Variants in DAP3 observed in about 807,000 individuals in gnomAD.
The protein encoded by DAP3 is small ribosomal subunit protein mS29.
A neutral mutation model predicts 51.9 loss-of-function variants in DAP3; 28 were observed. That is an observed-to-expected ratio of 0.54 (90% CI 0.40 to 0.74). DAP3 has a LOEUF of 0.74. DAP3 is among the 30% of genes least tolerant of loss of function. The pLI, the probability that DAP3 is intolerant of heterozygous loss-of-function variation, is 0.00. For synonymous variants in DAP3, 170 were observed against 170.3 expected, an observed-to-expected ratio of 1.00 and a Z score of 0.01; for missense variants, 458 against 483.5, an observed-to-expected ratio of 0.95 and a Z score of 0.49.
intron 1 of DAP3, among the ~76,000 whole-genome samples, chr1:155,696,860 A>G (rs149216292): frequency 2.0e-5 from 3 of 152,332 alleles, no homozygotes; most frequent in Admixed American, 6.5e-5. Flanking sequence ...GTCTCTGCCA[A>G]AGGAATTGTA....
chr1:155,716,901 T>G, intron 2 of DAP3, 105 bp from the exon 3 acceptor site: 1 of 1,473,286 alleles, frequency 6.8e-7, no homozygotes, highest in East Asian at 2.3e-5. Context: ...GAGCCTGAGA[T>G]CACGCCATTG....
chr1:155,706,479 G>A (rs1172067299), intron 1 of DAP3, among the ~76,000 whole-genome samples: 2 of 152,172 alleles, frequency 1.3e-5, no homozygotes, highest in Non-Finnish European at 2.9e-5. Context: ...GATTTGGGTT[G>A]TGAAAGGTGT....
rs1416187695 is a variant in DAP3 at position 155,701,117 on chromosome 1, G to A, written c.-7-8656G>A. On this transcript the variant is annotated intron_variant, in intron 1 of 12. Coordinates refer to ENST00000368336, the MANE Select transcript of DAP3 (RefSeq NM_004632.4). ...CGGGAGGTGAGGGGCGCCTCTGCCCGGCCGCCCCTACTGGGAAGTGAGTAG... is the reference window on the plus strand; with the variant it reads ...CGGGAGGTGAGGGGCGCCTCTGCCCAGCCGCCCCTACTGGGAAGTGAGTAG... Among the ~76,000 whole-genome samples, 20 of 126,496 alleles carry A rather than the reference G, an allele frequency of 1.6e-4. No individual in the cohort carries two copies. The East Asian group carries it at 3.3e-3, about 21-fold the overall frequency. 83.0% of individuals were successfully genotyped at this position (126,496 alleles called of 152,430 possible).
intron 1 of DAP3, among the ~76,000 whole-genome samples, chr1:155,705,968 T>C (rs1655917288): frequency 2.0e-5 from 3 of 152,128 alleles, no homozygotes; most frequent in Admixed American, 1.3e-4. Context: ...CCCAAAATAC[T>C]AGGATCACAG....
intron 1 of DAP3, among the ~76,000 whole-genome samples, chr1:155,708,833 T>C (rs1656333275): frequency 1.3e-5 from 2 of 151,552 alleles, no homozygotes; most frequent in African/African-American, 4.9e-5. Flanking sequence ...GCCTCCCAAG[T>C]AGCTGGGACT....
At position 155,717,085 on chromosome 1, in the gene DAP3, T is replaced by A. The variant is rs755738906; in HGVS notation, c.125T>A (p.Val42Asp). Residue 42 changes from valine to aspartate, a missense_variant, in exon 3 of 13, where the codon GTT becomes GAT. Transcript: ENST00000368336. ...GCTCACCTAGATAACCAGGTTCCAG[T>A]TGAGAGTCCGAGAGCTATTTCCCGC... ...IAAHLDNQVP[V>D]ESPRAISRTN... is the part of the protein sequence containing the mutation. The A allele has an allele frequency of 1.9e-6, 3 of 1,614,102 alleles. No individual in the cohort carries two copies. The highest frequency in any genetic ancestry group is 2.2e-5 in the East Asian group (1 of 44,890).
chr1:155,722,835 A>G (rs187929830), intron 4 of DAP3, among the ~76,000 whole-genome samples: 2 of 152,276 alleles, frequency 1.3e-5, no homozygotes, highest in East Asian at 3.9e-4. Flanking sequence ...TTTGTTGAAG[A>G]AATCATCTGC....
At chr1:155,688,106 A>G (rs1558322076), upstream of DAP3, 13 of 1,609,358 alleles carry the variant, frequency 8.1e-6, no homozygotes, top group Non-Finnish European at 1.1e-5. Context: ...AGTACAGGGA[A>G]GTGAGGAAGA....
intron 10 of DAP3, chr1:155,731,634 A>C (rs1659252268): frequency 1.8e-6 from 1 of 552,210 alleles, no homozygotes; most frequent in Admixed American, 3.6e-5. Context: ...AGTTTATTCA[A>C]AACCATTTTA....
At chr1:155,696,877 C>T (rs556777467) in intron 1 of DAP3, among the ~76,000 whole-genome samples, 2 of 152,226 alleles carry the variant, frequency 1.3e-5, no homozygotes, top group South Asian at 2.1e-4. Flanking sequence ...TGTAAAGAAG[C>T]AGTCTTTTAA....
chr1:155,731,197 G>A (rs1659203559), intron 9 of DAP3, among the ~76,000 whole-genome samples, 159 bp from the exon 10 acceptor site: 2 of 151,868 alleles, frequency 1.3e-5, no homozygotes, highest in African/African-American at 4.8e-5. Context: ...AACCCAGGAG[G>A]TGGAGGTTGC....
At position 155,703,893 on chromosome 1, in the gene DAP3, A is replaced by G. The variant is rs577026608; in HGVS notation, c.-7-5880A>G. Among the ~76,000 whole-genome samples, 7 of 152,276 alleles carry G rather than the reference A, an allele frequency of 4.6e-5. No homozygotes were observed. The South Asian group carries it at 1.5e-3, about 32-fold the overall frequency. ...CCAGGCATAGTGGCTCGCGCCTGCAATCTCAGCACTTTGCGAGGCTAGGGC... is the reference window on the plus strand; with the variant it reads ...CCAGGCATAGTGGCTCGCGCCTGCAGTCTCAGCACTTTGCGAGGCTAGGGC... On this transcript the variant is annotated intron_variant, in intron 1 of 12. Coordinates refer to ENST00000368336, the MANE Select transcript of DAP3 (RefSeq NM_004632.4).
chr1:155,707,261 A>T lies in DAP3; in HGVS notation c.-7-2512A>T, dbSNP rs567952619. On this transcript the variant is annotated intron_variant, in intron 1 of 12. Transcript: ENST00000368336. ...ACCCCGTCATTACTAAAAATACAAA[A>T]AATTAGCGGGGCGTGGTGGTGGGCG... is the stretch of plus-strand genomic sequence containing the variant. 2.0e-5 allele frequency among the ~76,000 whole-genome samples: 3 copies of T among 151,794 alleles called. No homozygotes were observed. The East Asian group carries it at 5.8e-4, about 29-fold the overall frequency.
intron 3 of DAP3, among the ~76,000 whole-genome samples, chr1:155,717,772 T>G (rs540401509): frequency 3.3e-5 from 5 of 152,300 alleles, no homozygotes; most frequent in African/African-American, 1.2e-4. Context: ...TCCTAGGGTC[T>G]GGAGAGGGAA....
chr1:155,688,334 C>G, upstream of DAP3: 1 of 1,550,888 alleles, frequency 6.4e-7, no homozygotes, highest in Non-Finnish European at 8.7e-7. Flanking sequence ...GCGGCAGCGG[C>G]GGCAGCAGAG....
chr1:155,721,472 G>A (rs758298846), intron 3 of DAP3, 45 bp from the exon 4 acceptor site: 14 of 1,579,012 alleles, frequency 8.9e-6, no homozygotes, highest in Non-Finnish European at 6.1e-6. Flanking sequence ...AGAAAGTCTT[G>A]GTCACTTTGT....
intron 1 of DAP3, among the ~76,000 whole-genome samples, chr1:155,706,999 G>A (rs1656069243): frequency 6.7e-6 from 1 of 150,370 alleles, no homozygotes; most frequent in African/African-American, 2.5e-5. Context: ...AGGCTGAGAG[G>A]AGAATCGCTT....
intron 1 of DAP3, among the ~76,000 whole-genome samples, chr1:155,699,924 T>A (rs1305149686): frequency 6.6e-6 from 1 of 151,718 alleles, no homozygotes; most frequent in Non-Finnish European, 1.5e-5. Flanking sequence ...CCCTTTTGCC[T>A]ATTTTTAAAT....
intron 1 of DAP3, among the ~76,000 whole-genome samples, chr1:155,697,858 C>T (rs1336398604): frequency 6.6e-6 from 1 of 152,142 alleles, no homozygotes; most frequent in East Asian, 1.9e-4. Flanking sequence ...ATATTTCATC[C>T]CTTATCTCCA....
Sources: allele counts gnomAD v4.1 joint callset (sites outside exome capture counted in the v4.1 genomes callset), GRCh38; gene constraint gnomAD v4.1.1; transcripts MANE v1.5; gene names NCBI Gene and HGNC (gene_info 2026-07-23, HGNC 2026-07-21).